SDC2: variants seen among roughly 807,000 people sequenced by gnomAD.
SDC2 encodes the protein syndecan 2.
Under a neutral mutation model 22.2 loss-of-function variants are expected in SDC2, and 13 were observed. That is an observed-to-expected ratio of 0.59 (90% CI 0.38 to 0.93). SDC2 has a LOEUF of 0.93. SDC2 is among the 40% of genes least tolerant of loss of function. SDC2 has a pLI of 0.00. For missense variants in SDC2, 235 were observed against 246.8 expected, an observed-to-expected ratio of 0.95 and a Z score of 0.32; for synonymous variants, 94 against 92.8, an observed-to-expected ratio of 1.01 and a Z score of -0.07.
At chr8:96,503,472 T>C (rs2130426201) in intron 1 of SDC2, among the ~76,000 whole-genome samples, 1 of 152,326 alleles carries the variant, frequency 6.6e-6, no homozygotes, top group East Asian at 1.9e-4. Flanking sequence ...GGTGTGTGTG[T>C]GTATAAAGAT....
chr8:96,547,540 A>G (rs891148568), intron 1 of SDC2, among the ~76,000 whole-genome samples: 5 of 152,120 alleles, frequency 3.3e-5, no homozygotes. Flanking sequence ...CACGGTATTC[A>G]GTCTTGATGC....
chr8:96,590,550 C>T (rs556546587), intron 1 of SDC2, among the ~76,000 whole-genome samples: 1 of 152,290 alleles, frequency 6.6e-6, no homozygotes, highest in Admixed American at 6.5e-5. Flanking sequence ...ATTTCCCGTC[C>T]TAGGCATGTT....
intron 1 of SDC2, among the ~76,000 whole-genome samples, chr8:96,507,223 A>G (rs1191183466): frequency 1.3e-5 from 2 of 152,232 alleles, no homozygotes; most frequent in African/African-American, 4.8e-5. Context: ...TTGTAAATTT[A>G]GCCTACGCTG....
intron 2 of SDC2, among the ~76,000 whole-genome samples, chr8:96,598,103 A>G (rs951257368): frequency 9.2e-5 from 14 of 152,068 alleles, no homozygotes; most frequent in African/African-American, 3.4e-4. Flanking sequence ...TACTTTTTAG[A>G]TGGTGCCTTC....
At chr8:96,563,162 A>G (rs1586301714) in intron 1 of SDC2, among the ~76,000 whole-genome samples, 2 of 152,200 alleles carry the variant, frequency 1.3e-5, no homozygotes, top group East Asian at 1.9e-4. Flanking sequence ...TTGAAACCTT[A>G]TAAATCTCTC....
chr8:96,611,476 G>A lies in SDC2; in HGVS notation c.*1928G>A, dbSNP rs1815174555. On this transcript the variant is annotated 3_prime_UTR_variant, in exon 5 of 5. Coordinates refer to ENST00000302190, the MANE Select transcript of SDC2 (RefSeq NM_002998.4). ...CAGTGTTTACTTTAAATCCTTAATG[G>A]CCTTAATTAATTCTCAGATTCCTGC... is the stretch of plus-strand genomic sequence containing the variant. 1 of 152,264 alleles carries A rather than the reference G, an allele frequency of 6.6e-6. No homozygotes were observed. Among genetic ancestry groups the A allele is most frequent in the Non-Finnish European group, 1.5e-5 (1 of 67,996 alleles). The allele number at this position is 152,264 out of a possible 1,614,324, so 9.4% of individuals were successfully genotyped here.
rs187882556 is a variant in SDC2, at chr8:96,546,201, G to A, written c.61-47279G>A. On this transcript the variant is annotated intron_variant, in intron 1 of 4. Coordinates refer to ENST00000302190, the MANE Select transcript of SDC2 (RefSeq NM_002998.4). Reference sequence around the variant, plus strand: ...GTATCCAAAGTAGCCTTAAATCAGAGACTGGTCTAGTTGGAGGATGTGACT... The same window carrying A: ...GTATCCAAAGTAGCCTTAAATCAGAAACTGGTCTAGTTGGAGGATGTGACT... 2.5e-3 allele frequency among the ~76,000 whole-genome samples: 377 copies of A among 152,300 alleles called. 1 individual carries two copies. The highest frequency in any genetic ancestry group is 9.0e-3 in the African/African-American group (374 of 41,558).
intron 1 of SDC2, among the ~76,000 whole-genome samples, chr8:96,510,544 G>A (rs1031214857): frequency 6.6e-6 from 1 of 152,146 alleles, no homozygotes; most frequent in African/African-American, 2.4e-5. Context: ...ATCTTTAATT[G>A]ACTCAGGGAA....
chr8:96,567,524 T>TC (rs1367254791), intron 1 of SDC2, among the ~76,000 whole-genome samples: 1 of 152,188 alleles, frequency 6.6e-6, no homozygotes, highest in Non-Finnish European at 1.5e-5. Flanking sequence ...ACTCTGAGTC[T>TC]CCAGTGTCCA....
Position 96,598,697 on chromosome 8 carries a change from G to C in SDC2, c.173-3698G>C, listed in dbSNP as rs1195635355. ...GACAGAACCGGTGCCCTGGTGGAGA[G>C]ATCAAGGAAGGCTTCAGAGAGGGGG... On this transcript the variant is annotated intron_variant, in intron 2 of 4. Coordinates refer to ENST00000302190, the MANE Select transcript of SDC2 (RefSeq NM_002998.4). Among the ~76,000 whole-genome samples the C allele has an allele frequency of 2.6e-5, 4 of 152,164 alleles. No individual in the cohort carries two copies. The East Asian group carries it at 7.7e-4, about 29-fold the overall frequency.
chr8:96,522,486 A>G (rs1813512334), intron 1 of SDC2, among the ~76,000 whole-genome samples: 1 of 152,120 alleles, frequency 6.6e-6, no homozygotes, highest in African/African-American at 2.4e-5. Flanking sequence ...AAAAGAAGGA[A>G]GGTATGAAAT....
intron 1 of SDC2, among the ~76,000 whole-genome samples, chr8:96,567,688 T>C (rs1814323539): frequency 1.3e-5 from 2 of 152,236 alleles, no homozygotes; most frequent in African/African-American, 4.8e-5. Flanking sequence ...ATTTTGCTCT[T>C]GTTCTGCCAT....
intron 1 of SDC2, among the ~76,000 whole-genome samples, chr8:96,534,341 A>G (rs1206755081): frequency 6.6e-6 from 1 of 152,158 alleles, no homozygotes; most frequent in Non-Finnish European, 1.5e-5. Context: ...AGAGCAAGTG[A>G]GGGATGCGAG....
At chr8:96,579,161 A>G (rs1034139777) in intron 1 of SDC2, among the ~76,000 whole-genome samples, 1 of 152,262 alleles carries the variant, frequency 6.6e-6, no homozygotes, top group East Asian at 1.9e-4. Context: ...ATGGGCTGTC[A>G]GTCTACTTAG....
At chr8:96,532,838 T>C (rs1034575133) in intron 1 of SDC2, among the ~76,000 whole-genome samples, 1 of 152,186 alleles carries the variant, frequency 6.6e-6, no homozygotes, top group Non-Finnish European at 1.5e-5. Context: ...TGTAAGAGAC[T>C]AGCAAAGTGC....
intron 1 of SDC2, among the ~76,000 whole-genome samples, chr8:96,531,080 C>G (rs2130484482): frequency 6.6e-6 from 1 of 152,332 alleles, no homozygotes; most frequent in East Asian, 1.9e-4. Context: ...CTTGGCGCAG[C>G]TGTCCTGGGG....
chr8:96,561,163 C>T (rs1453729245), intron 1 of SDC2, among the ~76,000 whole-genome samples: 3 of 152,062 alleles, frequency 2.0e-5, no homozygotes, highest in African/African-American at 4.8e-5. Flanking sequence ...TCTTCAAAGC[C>T]GGGCCAAGTG....
chr8:96,512,244 G>T (rs1813339971), intron 1 of SDC2, among the ~76,000 whole-genome samples: 1 of 152,176 alleles, frequency 6.6e-6, no homozygotes, highest in Admixed American at 6.5e-5. Context: ...AAAATCTGGG[G>T]ATGTTTTGTT....
chr8:96,562,089 T>C lies in SDC2; in HGVS notation c.61-31391T>C, dbSNP rs1257441934. Among the ~76,000 whole-genome samples the C allele has an allele frequency of 3.9e-5, 6 of 152,088 alleles. 1 individual carries two copies. Among genetic ancestry groups the C allele is most frequent in the African/African-American group, 7.2e-5 (3 of 41,398 alleles). On this transcript the variant is annotated intron_variant, in intron 1 of 4. Coordinates refer to ENST00000302190, the MANE Select transcript of SDC2 (RefSeq NM_002998.4). ...CGCCATACTCAAGGTCATTTTGATT[T>C]CCCCCCCATTGATCTTCTAGGCATT... is the stretch of plus-strand genomic sequence containing the variant.
Sources: gnomAD v4.1 joint callset for allele counts (sites outside exome capture counted in the v4.1 genomes callset) on GRCh38, gnomAD v4.1.1 for gene constraint, MANE v1.5 for transcripts, NCBI Gene and HGNC (gene_info 2026-07-23, HGNC 2026-07-21) for gene names.